GRM8: variants seen among roughly 807,000 people sequenced by gnomAD.
The protein encoded by GRM8 is metabotropic glutamate receptor 8.
GRM8 carries 47 observed loss-of-function variants against 87.2 expected under a neutral mutation model. The ratio of observed to expected loss-of-function variants is 0.54; its 90% CI spans 0.43 to 0.69. The LOEUF is 0.69. GRM8 is among the 30% of genes least tolerant of loss of function. GRM8 has a pLI of 0.00. For synonymous variants in GRM8, 396 were observed against 404.5 expected (o/e 0.98, Z 0.25); for missense variants, 1,019 against 1,139.2 (o/e 0.89, Z 1.52).
At chr7:126,941,461 A>C (rs1278030490) in intron 3 of GRM8, among the ~76,000 whole-genome samples, 1 of 146,224 alleles carries the variant, frequency 6.8e-6, no homozygotes, top group South Asian at 2.2e-4. Flanking sequence ...AAAAAAAAAA[A>C]TACAAAATAT....
chr7:126,727,826 T>C (rs1009931642), intron 7 of GRM8, among the ~76,000 whole-genome samples: 6 of 151,998 alleles, frequency 3.9e-5, no homozygotes, highest in Non-Finnish European at 7.4e-5. Context: ...TAAGACATAA[T>C]AGAATTTTAA....
At chr7:126,550,940 A>T (rs982974874) in intron 8 of GRM8, among the ~76,000 whole-genome samples, 6 of 151,810 alleles carry the variant, frequency 4.0e-5, no homozygotes, top group Non-Finnish European at 8.8e-5. Flanking sequence ...AAAAGAGAGG[A>T]AAAAACTCAA....
At chr7:126,604,317 T>C (rs970615407) in intron 8 of GRM8, among the ~76,000 whole-genome samples, 1 of 152,124 alleles carries the variant, frequency 6.6e-6, no homozygotes, top group Non-Finnish European at 1.5e-5. Flanking sequence ...TTTGGGCTTA[T>C]TGTGTAGACA....
At chr7:127,016,028 G>T (rs544082377) in intron 3 of GRM8, among the ~76,000 whole-genome samples, 1 of 152,038 alleles carries the variant, frequency 6.6e-6, no homozygotes, top group African/African-American at 2.4e-5. Flanking sequence ...ATACAAACAA[G>T]CTTAGATATT....
intron 8 of GRM8, among the ~76,000 whole-genome samples, chr7:126,592,749 C>T (rs1242073617): frequency 1.3e-5 from 2 of 151,814 alleles, no homozygotes; most frequent in African/African-American, 2.4e-5. Flanking sequence ...TAGAAGAAGA[C>T]AAGAGTGGCC....
intron 9 of GRM8, among the ~76,000 whole-genome samples, chr7:126,528,670 A>C (rs1470937283): frequency 6.7e-6 from 1 of 149,018 alleles, no homozygotes. Flanking sequence ...TAAATAATCA[A>C]CCCTTTTCCT....
chr7:126,858,832 T>C (rs1238936244), intron 6 of GRM8, among the ~76,000 whole-genome samples: 1 of 152,238 alleles, frequency 6.6e-6, no homozygotes, highest in Non-Finnish European at 1.5e-5. Flanking sequence ...TAAAGCCAAT[T>C]GAGGTCTTTA....
chr7:126,465,830 A>G (rs1399447296), intron 9 of GRM8, among the ~76,000 whole-genome samples: 1 of 151,866 alleles, frequency 6.6e-6, no homozygotes, highest in Admixed American at 6.6e-5. Context: ...GAATATCAGT[A>G]CAATATTGAA....
chr7:126,679,186 C>T (rs192816458), intron 7 of GRM8, among the ~76,000 whole-genome samples: 42 of 152,284 alleles, frequency 2.8e-4, no homozygotes, highest in African/African-American at 9.6e-4. Flanking sequence ...AGCTTGTGGT[C>T]CAATGGAGAA....
At chr7:126,671,793 G>A (rs528558938) in intron 7 of GRM8, among the ~76,000 whole-genome samples, 10 of 152,264 alleles carry the variant, frequency 6.6e-5, no homozygotes, top group Admixed American at 4.6e-4. Context: ...GTCATCCACC[G>A]AAATCCCAGC....
chr7:126,725,531 A>G (rs1242951575), intron 7 of GRM8, among the ~76,000 whole-genome samples: 2 of 152,196 alleles, frequency 1.3e-5, no homozygotes, highest in African/African-American at 4.8e-5. Flanking sequence ...CTGGCTTCCA[A>G]TAGAAACAAG....
At chr7:126,640,325 G>A (rs533649395) in intron 7 of GRM8, among the ~76,000 whole-genome samples, 6 of 152,246 alleles carry the variant, frequency 3.9e-5, no homozygotes, top group Admixed American at 1.3e-4. Flanking sequence ...GTGGGAGAGA[G>A]GGAGGTGGAG....
At chr7:126,454,254 CCTATATTTA>C (rs1802970051) in intron 9 of GRM8, among the ~76,000 whole-genome samples, 1 of 151,580 alleles carries the variant, frequency 6.6e-6, no homozygotes, top group Non-Finnish European at 1.5e-5. Flanking sequence ...TATGTTGAAT[CCTATATTTA>C]TCACTGCCTA....
At chr7:126,833,555 C>T (rs1358025767) in intron 6 of GRM8, among the ~76,000 whole-genome samples, 1 of 152,196 alleles carries the variant, frequency 6.6e-6, no homozygotes, top group Admixed American at 6.5e-5. Context: ...TCTGCTCTTT[C>T]TAGCTTGCAG....
chr7:127,182,769 G>A (rs538303035), intron 2 of GRM8, among the ~76,000 whole-genome samples: 21 of 151,172 alleles, frequency 1.4e-4, no homozygotes, highest in African/African-American at 3.1e-4. Context: ...GATTGGAGAC[G>A]ATTATTCTAA....
chr7:126,825,489 G>C (rs966420179), intron 6 of GRM8, among the ~76,000 whole-genome samples: 2 of 152,050 alleles, frequency 1.3e-5, no homozygotes, highest in Non-Finnish European at 2.9e-5. Flanking sequence ...ACTTGCTCAG[G>C]GTCAAAAGCT....
chr7:126,807,952 CG>C (rs1792938084), intron 6 of GRM8, among the ~76,000 whole-genome samples: 1 of 151,948 alleles, frequency 6.6e-6, no homozygotes, highest in South Asian at 2.1e-4. Flanking sequence ...AAAAATGGAC[CG>C]GAATGACTCA....
intron 2 of GRM8, among the ~76,000 whole-genome samples, chr7:127,195,879 C>T (rs781160642): frequency 4.4e-4 from 67 of 152,234 alleles, no homozygotes; most frequent in Middle Eastern, 6.8e-3. Context: ...ATTTGTTTTT[C>T]CTTATACATC....
At chr7:127,162,427 G>A (rs889670572) in intron 2 of GRM8, among the ~76,000 whole-genome samples, 1 of 152,168 alleles carries the variant, frequency 6.6e-6, no homozygotes, top group African/African-American at 2.4e-5. Flanking sequence ...AGAAGAGAAA[G>A]CAGCAGAAAG....
Sources: allele counts gnomAD v4.1 joint callset (sites outside exome capture counted in the v4.1 genomes callset), GRCh38; gene constraint gnomAD v4.1.1; transcripts MANE v1.5; gene names NCBI Gene and HGNC (gene_info 2026-07-23, HGNC 2026-07-21).